The following KALRN variants were observed in gnomAD, a reference collection of about 807,000 sequenced individuals.
The protein encoded by KALRN is kalirin.
Under a neutral mutation model 353.7 loss-of-function variants are expected in KALRN, and 70 were observed. The ratio of observed to expected loss-of-function variants is 0.20; its 90% CI spans 0.16 to 0.24. The LOEUF is 0.24. KALRN is among the 10% of genes least tolerant of loss of function. The pLI, the probability that KALRN is intolerant of heterozygous loss-of-function variation, is 1.00. For synonymous variants in KALRN, 1,391 were observed against 1,434.8 expected (o/e 0.97, Z 0.69); for missense variants, 2,791 against 3,756.7 (o/e 0.74, Z 6.72).
chr3:124,382,786 C>CT (rs796994200), intron 10 of KALRN, among the ~76,000 whole-genome samples: 4 of 152,272 alleles, frequency 2.6e-5, no homozygotes, highest in African/African-American at 9.6e-5. Flanking sequence ...CTCCCATCAG[C>CT]TGTGGGCATA....
At chr3:124,108,337 C>A (rs934814548) in intron 1 of KALRN, among the ~76,000 whole-genome samples, 1 of 152,156 alleles carries the variant, frequency 6.6e-6, no homozygotes, top group African/African-American at 2.4e-5. Context: ...ATATCTCCTC[C>A]AGGAAAATGT....
intron 34 of KALRN, among the ~76,000 whole-genome samples, chr3:124,583,533 C>T (rs2074825633): frequency 6.6e-6 from 1 of 152,154 alleles, no homozygotes; most frequent in African/African-American, 2.4e-5. Flanking sequence ...GAATGGAAGT[C>T]TTGCACCGTA....
At chr3:124,152,547 T>TTTTTC (rs71142775) in intron 1 of KALRN, 249 of 435,826 alleles carry the variant, frequency 5.7e-4, no homozygotes, top group African/African-American at 5.3e-3. Context: ...TTTCTTTTTC[T>TTTTTC]TTTTCTTTTC....
intron 41 of KALRN, among the ~76,000 whole-genome samples, chr3:124,658,180 C>A (rs1224102943): frequency 6.6e-6 from 1 of 152,098 alleles, no homozygotes; most frequent in African/African-American, 2.4e-5. Flanking sequence ...AATAAAATTT[C>A]TTCTCTTCTG....
At chr3:124,495,975 A>G (rs1442536561) in intron 32 of KALRN, among the ~76,000 whole-genome samples, 313 of 24,300 alleles carry the variant, frequency 0.013, 43 homozygotes, top group Middle Eastern at 0.035. Context: ...GTATATATAT[A>G]TATATATATA....
chr3:124,181,257 A>G (rs2073562774), intron 1 of KALRN, among the ~76,000 whole-genome samples: 1 of 152,124 alleles, frequency 6.6e-6, no homozygotes, highest in African/African-American at 2.4e-5. Flanking sequence ...TGCTTTTCTA[A>G]AAATCCACAT....
chr3:124,436,130 C>G (rs1168033769), intron 17 of KALRN, among the ~76,000 whole-genome samples: 2 of 152,182 alleles, frequency 1.3e-5, no homozygotes, highest in African/African-American at 4.8e-5. Flanking sequence ...GCAAAGGATG[C>G]TGGACAACTG....
intron 9 of KALRN, among the ~76,000 whole-genome samples, chr3:124,343,871 CT>C (rs2082013005): frequency 6.6e-6 from 1 of 152,234 alleles, no homozygotes; most frequent in Non-Finnish European, 1.5e-5. Flanking sequence ...ACACCCCCAC[CT>C]CCAGAGCTGC....
intron 17 of KALRN, among the ~76,000 whole-genome samples, chr3:124,436,273 G>A (rs369079515): frequency 2.6e-5 from 4 of 152,164 alleles, no homozygotes; most frequent in South Asian, 2.1e-4. Context: ...TGACCTTGCC[G>A]AAGGTTACTT....
intron 34 of KALRN, among the ~76,000 whole-genome samples, chr3:124,578,678 A>T (rs921953913): frequency 6.6e-6 from 1 of 152,072 alleles, no homozygotes; most frequent in East Asian, 1.9e-4. Context: ...CTGAGGCAGG[A>T]GAATCACTTG....
intron 34 of KALRN, among the ~76,000 whole-genome samples, chr3:124,592,653 C>A (rs1347347688): frequency 6.6e-6 from 1 of 152,210 alleles, no homozygotes; most frequent in Admixed American, 6.5e-5. Flanking sequence ...TTATTCCAGC[C>A]CCCATGGTGC....
At chr3:124,446,987 C>T in intron 21 of KALRN, 102 bp downstream of exon 21, 1 of 1,376,358 alleles carries the variant, frequency 7.3e-7, no homozygotes, top group Non-Finnish European at 1.0e-6. Context: ...GCAAAAATAC[C>T]TGGCTACAGT....
chr3:124,537,081 AC>A (rs2068579243), intron 33 of KALRN, among the ~76,000 whole-genome samples: 1 of 152,164 alleles, frequency 6.6e-6, no homozygotes, highest in Non-Finnish European at 1.5e-5. Context: ...TCACTCTGTC[AC>A]CCAGGCTGGA....
At chr3:124,097,856 G>T (rs1294949450) in intron 1 of KALRN, among the ~76,000 whole-genome samples, 2 of 152,222 alleles carry the variant, frequency 1.3e-5, no homozygotes, top group Admixed American at 6.5e-5. Context: ...CTTAATAATA[G>T]ATGCTGTTTT....
chr3:124,230,657 C>G (rs148302188), intron 2 of KALRN, among the ~76,000 whole-genome samples: 1 of 152,012 alleles, frequency 6.6e-6, no homozygotes, highest in Non-Finnish European at 1.5e-5. Flanking sequence ...AGCTCTCCCC[C>G]ATTTGCCAGC....
intron 10 of KALRN, among the ~76,000 whole-genome samples, chr3:124,347,494 G>A (rs1415043852): frequency 6.6e-6 from 1 of 151,944 alleles, no homozygotes. Context: ...CTTCCTGCCT[G>A]ATGCAAGGAG....
chr3:124,659,199 T>A (rs1026589289), intron 42 of KALRN, among the ~76,000 whole-genome samples, 166 bp from the exon 43 acceptor site: 2 of 151,914 alleles, frequency 1.3e-5, no homozygotes, highest in Non-Finnish European at 2.9e-5. Context: ...GTGTTGTTCA[T>A]AACAAGTGAA....
chr3:124,185,536 G>T (rs1232979779), intron 1 of KALRN, among the ~76,000 whole-genome samples: 2 of 152,190 alleles, frequency 1.3e-5, no homozygotes, highest in African/African-American at 4.8e-5. Context: ...TATCCACTGT[G>T]ATCCTCCAAG....
intron 26 of KALRN, 51 bp downstream of exon 26, chr3:124,474,783 T>G: frequency 7.2e-7 from 1 of 1,383,526 alleles, no homozygotes; most frequent in East Asian, 2.3e-5. Context: ...GGCACCACTC[T>G]TCAGTGCCTG....
Sources: allele counts gnomAD v4.1 joint callset (sites outside exome capture counted in the v4.1 genomes callset), GRCh38; gene constraint gnomAD v4.1.1; transcripts MANE v1.5; gene names NCBI Gene and HGNC (gene_info 2026-07-23, HGNC 2026-07-21).